The following TBCEL variants were observed in gnomAD, a reference collection of about 807,000 sequenced individuals.
The protein encoded by TBCEL is tubulin folding cofactor E like.
In TBCEL, 15 loss-of-function variants were observed where a neutral mutation model predicts 44.2. The observed-to-expected ratio is 0.34, with a 90% CI of 0.23 to 0.52. The LOEUF (loss-of-function observed/expected upper bound fraction) is 0.52, where lower values mean the gene tolerates loss of function less well. Ranked by LOEUF, TBCEL falls within the 20% of genes least tolerant of loss-of-function variation. TBCEL has a pLI of 0.95. For missense variants in TBCEL, 319 were observed against 506.3 expected, an observed-to-expected ratio of 0.63 and a Z score of 3.55; for synonymous variants, 171 against 185.4, an observed-to-expected ratio of 0.92 and a Z score of 0.63.
chr11:121,057,478 T>A, intron 6 of TBCEL: 2 of 348,934 alleles, frequency 5.7e-6, no homozygotes, highest in South Asian at 4.7e-5. Context: ...AAGGTTCAGG[T>A]TTTTTGTTTT....
At chr11:121,077,682 T>C (rs1722392694) in intron 8 of TBCEL, among the ~76,000 whole-genome samples, 1 of 152,052 alleles carries the variant, frequency 6.6e-6, no homozygotes, top group African/African-American at 2.4e-5. Flanking sequence ...CATCTTTTTA[T>C]AGTTTTTTTA....
intron 8 of TBCEL, among the ~76,000 whole-genome samples, chr11:121,067,476 T>C (rs1945841475): frequency 6.6e-6 from 1 of 152,248 alleles, no homozygotes; most frequent in Non-Finnish European, 1.5e-5. Context: ...CTCTAGCTGC[T>C]TATGGCAATA....
At chr11:121,085,183 C>T (rs569133647) in intron 8 of TBCEL, among the ~76,000 whole-genome samples, 3 of 152,092 alleles carry the variant, frequency 2.0e-5, no homozygotes, top group Non-Finnish European at 4.4e-5. Context: ...GGACTACAGG[C>T]GCGCACCACC....
chr11:121,053,631 A>G lies in TBCEL; in HGVS notation c.354A>G (p.Glu118=). The G allele has an allele frequency of 6.2e-7, 1 of 1,612,468 alleles. No individual in the cohort carries two copies. The highest frequency in any genetic ancestry group is 8.5e-7 in the Non-Finnish European group (1 of 1,178,976). ...SSNPLNLSVL[E]RTCAGSFSGV... The stretch of plus-strand genomic sequence containing the variant: ...ACCCTCTGAATTTGTCGGTTTTAGA[A>G]AGAACATGTGCTGGGTCCTTCTCTG... The change falls in exon 5 of 9, where the codon GAA becomes GAG. Residue 118 remains glutamate, a synonymous_variant. Coordinates refer to ENST00000683345, the MANE Select transcript of TBCEL (RefSeq NM_001363644.2).
intron 3 of TBCEL, 68 bp downstream of exon 3, chr11:121,045,891 C>A: frequency 7.2e-7 from 1 of 1,395,850 alleles, no homozygotes; most frequent in South Asian, 1.8e-5. Flanking sequence ...CACAGTGTTG[C>A]CTTGTTTGCA....
At chr11:121,035,227 C>T (rs1160558324) in intron 1 of TBCEL, 1 of 152,112 alleles carries the variant, frequency 6.6e-6, no homozygotes, top group Admixed American at 6.5e-5. Context: ...AATATTATCT[C>T]CATTCATTCT....
At chr11:121,025,353 T>TAGAGTGAATTA (rs1945026948) in intron 1 of TBCEL, among the ~76,000 whole-genome samples, 1 of 152,070 alleles carries the variant, frequency 6.6e-6, no homozygotes, top group Non-Finnish European at 1.5e-5. Flanking sequence ...ATTCACTCTT[T>TAGAGTGAATTA]GGGTCCTGAG....
intron 8 of TBCEL, among the ~76,000 whole-genome samples, chr11:121,086,025 G>T (rs930830427): frequency 6.6e-6 from 1 of 152,008 alleles, no homozygotes; most frequent in African/African-American, 2.4e-5. Flanking sequence ...TAGGAAACTT[G>T]TAAGTGTCCT....
intron 1 of TBCEL, among the ~76,000 whole-genome samples, chr11:121,027,358 GTTCC>G: frequency 6.6e-6 from 1 of 152,248 alleles, no homozygotes; most frequent in South Asian, 2.1e-4. Flanking sequence ...TAACTGGACT[GTTCC>G]CATTGTCTTT....
At chr11:121,058,013 G>A (rs11218131) in intron 6 of TBCEL, among the ~76,000 whole-genome samples, 9,958 of 151,748 alleles carry the variant, frequency 0.066, 479 homozygotes, top group Middle Eastern at 0.11. Context: ...TTTAAATTAC[G>A]TAATCATGGC....
chr11:121,028,700 A>C (rs1159700476), intron 1 of TBCEL, among the ~76,000 whole-genome samples: 1 of 152,242 alleles, frequency 6.6e-6, no homozygotes, highest in Admixed American at 6.5e-5. Context: ...TGGTCACCGC[A>C]GTAATAATAA....
intron 7 of TBCEL, among the ~76,000 whole-genome samples, chr11:121,059,444 C>T (rs926040060): frequency 6.6e-6 from 1 of 151,748 alleles, no homozygotes; most frequent in African/African-American, 2.4e-5. Flanking sequence ...GCTATGAGTA[C>T]TTGAAATATG....
At chr11:121,078,292 T>A (rs1946065411) in intron 8 of TBCEL, among the ~76,000 whole-genome samples, 1 of 152,218 alleles carries the variant, frequency 6.6e-6, no homozygotes, top group African/African-American at 2.4e-5. Context: ...TTATTTTTTG[T>A]GTACATATCT....
rs369159326 is a variant in TBCEL, at chr11:121,045,838, A to T, written c.133+15A>T. The T allele has an allele frequency of 5.3e-5, 82 of 1,559,080 alleles. No homozygotes were observed. In the South Asian group the frequency reaches 7.6e-4, roughly 15 times the overall value. ...TCCTATGAAAGGTAAGAAAGATGGG[A>T]CCTAAAACACTTATTTAGTGGAGCT... On this transcript the variant is annotated intron_variant, in intron 3 of 8. Coordinates refer to ENST00000683345, the MANE Select transcript of TBCEL (RefSeq NM_001363644.2).
intron 2 of TBCEL, among the ~76,000 whole-genome samples, chr11:121,041,012 G>GT (rs1219085230): frequency 4.6e-5 from 7 of 152,240 alleles, no homozygotes; most frequent in African/African-American, 1.4e-4. Context: ...TGTGGGGTAC[G>GT]TTTTATATCT....
At chr11:121,025,405 TA>T (rs570341125) in intron 1 of TBCEL, among the ~76,000 whole-genome samples, 219 of 144,478 alleles carry the variant, frequency 1.5e-3, no homozygotes, top group African/African-American at 2.2e-3. Context: ...CTTTCAAACT[TA>T]AAAAAAAAAA....
chr11:121,038,710 A>G (rs919861188), intron 2 of TBCEL, among the ~76,000 whole-genome samples: 1 of 151,818 alleles, frequency 6.6e-6, no homozygotes, highest in Non-Finnish European at 1.5e-5. Flanking sequence ...ACCTCCCCCG[A>G]CCCCCTGCAA....
chr11:121,026,137 C>T (rs1945042230), intron 1 of TBCEL, among the ~76,000 whole-genome samples: 1 of 152,070 alleles, frequency 6.6e-6, no homozygotes. Flanking sequence ...GAAAAATACA[C>T]GATAAAATAT....
intron 3 of TBCEL, among the ~76,000 whole-genome samples, chr11:121,046,295 C>T (rs1019671387): frequency 6.6e-6 from 1 of 152,030 alleles, no homozygotes; most frequent in African/African-American, 2.4e-5. Flanking sequence ...TTAACTAGTT[C>T]TTCAAGAATG....
Sources: allele counts gnomAD v4.1 joint callset (sites outside exome capture counted in the v4.1 genomes callset), GRCh38; gene constraint gnomAD v4.1.1; transcripts MANE v1.5; gene names NCBI Gene and HGNC (gene_info 2026-07-23, HGNC 2026-07-21).